The following SAXO1 variants were observed in gnomAD, a reference collection of about 807,000 sequenced individuals.
SAXO1 encodes stabilizer of axonemal microtubules 1.
Under a neutral mutation model 17.5 loss-of-function variants are expected in SAXO1, and 21 were observed. The ratio of observed to expected loss-of-function variants is 1.20; its 90% CI spans 0.85 to 1.72. SAXO1 has a LOEUF of 1.72. Ranked by LOEUF, SAXO1 falls within the 40% of genes most tolerant of loss-of-function variation. The probability of loss-of-function intolerance (pLI) is 0.00; values close to 1 mark genes in which losing one functional copy is unlikely to be tolerated. For missense variants in SAXO1, 843 were observed against 596.0 expected (o/e 1.41, Z -4.32); for synonymous variants, 274 against 216.5 (o/e 1.27, Z -2.33).
intron 1 of SAXO1, among the ~76,000 whole-genome samples, chr9:18,993,474 CT>C (rs1463974865): frequency 1.3e-5 from 2 of 152,186 alleles, no homozygotes; most frequent in African/African-American, 4.8e-5. Context: ...AGCTTTCCTT[CT>C]TATGGCTCAG....
intron 1 of SAXO1, among the ~76,000 whole-genome samples, chr9:18,963,824 C>T (rs905787808): frequency 2.6e-5 from 4 of 152,136 alleles, no homozygotes; most frequent in African/African-American, 4.8e-5. Flanking sequence ...ATTTCCAATA[C>T]TGTGTTGAAT....
chr9:19,004,365 G>A (rs1318024073), intron 1 of SAXO1, among the ~76,000 whole-genome samples: 2 of 151,838 alleles, frequency 1.3e-5, no homozygotes, highest in African/African-American at 4.8e-5. Context: ...CCTGTTACTG[G>A]GTATATAACC....
At chr9:19,035,889 T>TG (rs1189377016), upstream of SAXO1, among the ~76,000 whole-genome samples, 2 of 152,164 alleles carry the variant, frequency 1.3e-5, no homozygotes, top group Non-Finnish European at 2.9e-5. Flanking sequence ...ACAGGTGACT[T>TG]GGGTGCTGTT....
chr9:19,014,168 T>A (rs1026434752), intron 1 of SAXO1, among the ~76,000 whole-genome samples: 1 of 151,872 alleles, frequency 6.6e-6, no homozygotes, highest in Non-Finnish European at 1.5e-5. Context: ...AGGCTTTAAA[T>A]TGGCAAAAAT....
chr9:18,988,042 C>T (rs1396377745), intron 1 of SAXO1, among the ~76,000 whole-genome samples: 3 of 152,200 alleles, frequency 2.0e-5, no homozygotes, highest in African/African-American at 7.2e-5. Flanking sequence ...CTTCTTTAAA[C>T]ACTACTCTAA....
rs561967831 is a variant in SAXO1, at chr9:18,928,449, T to G, written c.1028A>C (p.Asp343Ala). The change falls in exon 4 of 4, where the codon GAC becomes GCC. Residue 343 changes from aspartate to alanine, a missense_variant. Asp to Ala is a moderately radical substitution (Grantham distance 126, BLOSUM62 -2). Transcript: ENST00000380534. ...RFEGSSTTKD[D>A]YKQWSSMRTE... ...GCGCATGCTGGACCACTGCTTGTAGTCATCCTTGGTGGTGGAAGAGCCTTC... is the reference window on the plus strand; with the variant it reads ...GCGCATGCTGGACCACTGCTTGTAGGCATCCTTGGTGGTGGAAGAGCCTTC... The G allele has an allele frequency of 2.7e-5, 43 of 1,610,168 alleles. No homozygotes were observed. The highest frequency in any genetic ancestry group is 1.1e-4 in the East Asian group (5 of 44,750).
intron 1 of SAXO1, among the ~76,000 whole-genome samples, chr9:19,017,214 A>G (rs1835014651): frequency 4.6e-5 from 7 of 152,146 alleles, no homozygotes; most frequent in Admixed American, 4.6e-4. Context: ...ATTGATGCCA[A>G]AAAATCTGGA....
chr9:18,949,394 C>T lies in SAXO1; in HGVS notation c.218+1364G>A, dbSNP rs575647706. Among the ~76,000 whole-genome samples the T allele has an allele frequency of 2.1e-3, 315 of 152,210 alleles. 1 individual carries two copies. The highest frequency in any genetic ancestry group is 0.01 in the Middle Eastern group (3 of 294). On this transcript the variant is annotated intron_variant, in intron 2 of 3. Transcript: ENST00000380534. ...ATCACTTGAGCCCAGAAATTCGAGG[C>T]TGCACTGAGCGATGATCACACCATT...
At chr9:19,015,456 G>C (rs1160502678) in intron 1 of SAXO1, among the ~76,000 whole-genome samples, 1 of 152,138 alleles carries the variant, frequency 6.6e-6, no homozygotes, top group South Asian at 2.1e-4. Context: ...TGATTCTCAT[G>C]CCTCCACTTC....
At chr9:18,984,553 G>A (rs183263738) in intron 1 of SAXO1, among the ~76,000 whole-genome samples, 1 of 152,330 alleles carries the variant, frequency 6.6e-6, no homozygotes, top group East Asian at 1.9e-4. Flanking sequence ...ATGTTGTAAA[G>A]AAGGCTTCTT....
intron 1 of SAXO1, among the ~76,000 whole-genome samples, chr9:19,024,379 G>A (rs1033304799): frequency 9.2e-5 from 14 of 151,900 alleles, no homozygotes; most frequent in Non-Finnish European, 1.6e-4. Context: ...ACTCATAGGT[G>A]GGAACTGAAC....
chr9:18,936,527 A>T (rs1056065915), intron 3 of SAXO1, among the ~76,000 whole-genome samples: 4 of 152,184 alleles, frequency 2.6e-5, no homozygotes, highest in African/African-American at 7.2e-5. Flanking sequence ...AAGTTGCCTC[A>T]TGTGATTTCT....
intron 1 of SAXO1, among the ~76,000 whole-genome samples, chr9:19,002,379 C>G (rs1319172653): frequency 6.6e-6 from 1 of 152,234 alleles, no homozygotes; most frequent in Non-Finnish European, 1.5e-5. Context: ...AGGGACTCCT[C>G]TCTCACTCTT....
intron 1 of SAXO1, among the ~76,000 whole-genome samples, chr9:18,953,406 G>A (rs1309122117): frequency 1.3e-5 from 2 of 151,972 alleles, no homozygotes; most frequent in African/African-American, 2.4e-5. Context: ...CAATATGATT[G>A]GCATCATGAA....
At chr9:19,019,877 C>A (rs1465117203) in intron 1 of SAXO1, among the ~76,000 whole-genome samples, 2 of 152,132 alleles carry the variant, frequency 1.3e-5, no homozygotes, top group Admixed American at 1.3e-4. Context: ...CAACCCAGAA[C>A]AAGTAAAAGC....
intron 3 of SAXO1, among the ~76,000 whole-genome samples, chr9:18,931,679 TTTG>T (rs1183528404): frequency 2.6e-5 from 4 of 152,208 alleles, no homozygotes; most frequent in African/African-American, 9.7e-5. Flanking sequence ...CTTGTCAATA[TTTG>T]TTATCATCTG....
chr9:18,977,251 T>A (rs1833188408), intron 1 of SAXO1, among the ~76,000 whole-genome samples: 1 of 152,230 alleles, frequency 6.6e-6, no homozygotes, highest in Non-Finnish European at 1.5e-5. Context: ...GGTTCATAGT[T>A]TCTTCTCAGA....
chr9:19,000,893 C>T (rs933357969), intron 1 of SAXO1, among the ~76,000 whole-genome samples: 2 of 152,082 alleles, frequency 1.3e-5, no homozygotes, highest in Admixed American at 6.5e-5. Flanking sequence ...GCTAACTATC[C>T]TAAATATATA....
At chr9:18,982,176 C>G (rs1267257707) in intron 1 of SAXO1, among the ~76,000 whole-genome samples, 1 of 152,182 alleles carries the variant, frequency 6.6e-6, no homozygotes, top group East Asian at 1.9e-4. Context: ...CCACAATCCT[C>G]AATACTAAGA....
Sources: gnomAD v4.1 joint callset for allele counts (sites outside exome capture counted in the v4.1 genomes callset) on GRCh38, gnomAD v4.1.1 for gene constraint, MANE v1.5 for transcripts, NCBI Gene and HGNC (gene_info 2026-07-23, HGNC 2026-07-21) for gene names.